Variants in ARHGEF16 observed in about 807,000 individuals in gnomAD.
ARHGEF16 encodes the protein Rho guanine exchange factor (GEF) 16.
Under a neutral mutation model 74.1 loss-of-function variants are expected in ARHGEF16, and 59 were observed. That is an observed-to-expected ratio of 0.80 (90% CI 0.65 to 0.99). The LOEUF is 0.99. Ranked by LOEUF, ARHGEF16 falls within the 50% of genes least tolerant of loss-of-function variation. ARHGEF16 has a pLI of 0.00. For missense variants in ARHGEF16, 948 were observed against 986.6 expected (o/e 0.96, Z 0.52); for synonymous variants, 415 against 412.6 (o/e 1.01, Z -0.07).
chr1:3,469,618 C>T, intron 6 of ARHGEF16, 25 bp downstream of exon 6: 2 of 1,611,512 alleles, frequency 1.2e-6, no homozygotes, highest in Non-Finnish European at 1.7e-6. Context: ...CAGCCTTCCA[C>T]ACAGGGTCCT....
At chr1:3,467,120 C>A in intron 3 of ARHGEF16, 48 bp from the exon 4 acceptor site, 1 of 1,519,826 alleles carries the variant, frequency 6.6e-7, no homozygotes, top group Non-Finnish European at 8.9e-7. Flanking sequence ...GGAGGCGCAG[C>A]CTTTTGCAAT....
intron 6 of ARHGEF16, chr1:3,471,931 C>T (rs899757887): frequency 1.7e-6 from 1 of 602,546 alleles, no homozygotes. Context: ...CTCCCATGAC[C>T]TGCTGGGTCC....
In ARHGEF16 at chr1:3,480,777, C is replaced by T; in HGVS notation, c.*190C>T. 3 of 797,110 alleles carry T rather than the reference C, an allele frequency of 3.8e-6. No individual in the cohort carries two copies. Among genetic ancestry groups the T allele is most frequent in the East Asian group, 2.8e-5 (1 of 35,994 alleles). 49.4% of individuals were successfully genotyped at this position (797,110 alleles called of 1,614,324 possible). A position where few individuals can be genotyped will look rare whatever the true frequency, so the allele number is the denominator to read the frequency against. ...GGAAGATCACATGTCCCCAGAGAGG[C>T]ACCCCCAGGCAAGCTCGAGGGGGCC... On this transcript the variant is annotated 3_prime_UTR_variant, in exon 15 of 15. Coordinates refer to ENST00000378378, the MANE Select transcript of ARHGEF16 (RefSeq NM_014448.4).
At chr1:3,471,014 A>G (rs919403702) in intron 6 of ARHGEF16, among the ~76,000 whole-genome samples, 19 of 35,846 alleles carry the variant, frequency 5.3e-4, no homozygotes, top group South Asian at 2.2e-3. Flanking sequence ...GGGTGTGTGT[A>G]CCTGGCCAGG....
chr1:3,476,865 G>A (rs1639891931), intron 10 of ARHGEF16, among the ~76,000 whole-genome samples: 1 of 152,104 alleles, frequency 6.6e-6, no homozygotes, highest in Non-Finnish European at 1.5e-5. Flanking sequence ...GCTGCCTGGG[G>A]CAGGCGTCAG....
rs116083742 is a variant in ARHGEF16 at position 3,468,669 on chromosome 1, G to A, written c.805-211G>A. On this transcript the variant is annotated intron_variant, in intron 4 of 14. Transcript: ENST00000378378. The stretch of plus-strand genomic sequence containing the variant: ...TGGGGCTCTGGCGGCTGGGGGGAGC[G>A]GGGGGCTGACCCAAGGCGGGTTACA... The A allele has an allele frequency of 3.5e-3, 2,052 of 591,052 alleles. 28 individuals are homozygous for A. Among genetic ancestry groups the A allele is most frequent in the African/African-American group, 0.034 (1,811 of 53,736 alleles). 36.6% of individuals were successfully genotyped at this position (591,052 alleles called of 1,614,324 possible). A position where few individuals can be genotyped will look rare whatever the true frequency, so the allele number is the denominator to read the frequency against.
At chr1:3,479,493 G>C (rs1345727287) in intron 12 of ARHGEF16, 24 bp from the exon 13 acceptor site, 1 of 1,611,750 alleles carries the variant, frequency 6.2e-7, no homozygotes, top group East Asian at 2.2e-5. Flanking sequence ...TCCAGGCCTG[G>C]CTCATGCTGT....
chr1:3,478,107 A>C (rs964868659), intron 11 of ARHGEF16, 81 bp downstream of exon 11: 1 of 1,590,750 alleles, frequency 6.3e-7, no homozygotes, highest in African/African-American at 1.3e-5. Context: ...GGGTACAGGG[A>C]GTTGGCCCTG....
chr1:3,465,656 C>G (rs1326733743), intron 2 of ARHGEF16, among the ~76,000 whole-genome samples: 1 of 152,180 alleles, frequency 6.6e-6, no homozygotes, highest in Non-Finnish European at 1.5e-5. Flanking sequence ...GGGTGGGCTC[C>G]GAGTCGGGCA....
chr1:3,473,029 G>A (rs763079113), intron 6 of ARHGEF16, 49 bp from the exon 7 acceptor site: 50 of 1,589,580 alleles, frequency 3.1e-5, no homozygotes, highest in Non-Finnish European at 3.9e-5. Flanking sequence ...CACACGTGGG[G>A]CCCGACCACC....
At chr1:3,458,257 C>T (rs1463555433) in intron 1 of ARHGEF16, among the ~76,000 whole-genome samples, 2 of 152,142 alleles carry the variant, frequency 1.3e-5, no homozygotes, top group East Asian at 3.8e-4. Context: ...CTGCGGCTCC[C>T]TCTGCCCTGT....
At chr1:3,471,926 A>G in intron 6 of ARHGEF16, 1 of 672,096 alleles carries the variant, frequency 1.5e-6, no homozygotes. Flanking sequence ...GAGGCCTCCC[A>G]TGACCTGCTG....
intron 1 of ARHGEF16, among the ~76,000 whole-genome samples, chr1:3,456,469 T>C (rs558821432): frequency 3.4e-4 from 52 of 152,312 alleles, no homozygotes; most frequent in African/African-American, 1.3e-3. Flanking sequence ...TTCTAGTGAC[T>C]CCCTGGCTGA....
At chr1:3,466,904 C>G in intron 3 of ARHGEF16, 1 of 400,580 alleles carries the variant, frequency 2.5e-6, no homozygotes, top group Non-Finnish European at 4.5e-6. Flanking sequence ...AGCGATGCCC[C>G]ACGTCTCAGG....
chr1:3,457,688 G>T (rs1639297344), intron 1 of ARHGEF16, among the ~76,000 whole-genome samples: 1 of 152,182 alleles, frequency 6.6e-6, no homozygotes, highest in African/African-American at 2.4e-5. Context: ...TGGGCAGGGG[G>T]CCCTGAGACT....
chr1:3,458,830 G>A (rs928305473), intron 1 of ARHGEF16, among the ~76,000 whole-genome samples: 2 of 152,210 alleles, frequency 1.3e-5, no homozygotes, highest in Admixed American at 6.5e-5. Flanking sequence ...GACAATAGAA[G>A]ATGTTACACC....
intron 2 of ARHGEF16, among the ~76,000 whole-genome samples, chr1:3,464,339 T>A (rs968660641): frequency 1.2e-4 from 18 of 152,126 alleles, no homozygotes; most frequent in African/African-American, 4.1e-4. Context: ...CCCCTGCGGC[T>A]GGGGGCCAGG....
intron 10 of ARHGEF16, among the ~76,000 whole-genome samples, chr1:3,477,251 C>A (rs181809587): frequency 7.6e-6 from 1 of 131,404 alleles, no homozygotes; most frequent in African/African-American, 2.9e-5. Flanking sequence ...CATTCCCACT[C>A]TGCCCTCCCC....
At chr1:3,466,370 AGTCTAGAAAG>A (rs2100741142) in intron 3 of ARHGEF16, among the ~76,000 whole-genome samples, 177 bp downstream of exon 3, 2 of 151,864 alleles carry the variant, frequency 1.3e-5, no homozygotes, top group African/African-American at 4.8e-5. Flanking sequence ...AGCCCTGATG[AGTCTAGAAAG>A]GTCTAGAAAG....
Sources: allele counts gnomAD v4.1 joint callset (sites outside exome capture counted in the v4.1 genomes callset), GRCh38; gene constraint gnomAD v4.1.1; transcripts MANE v1.5; gene names NCBI Gene and HGNC (gene_info 2026-07-23, HGNC 2026-07-21).